The following ZDHHC5 variants were observed in gnomAD, a reference collection of about 807,000 sequenced individuals.
The protein encoded by ZDHHC5 is palmitoyltransferase ZDHHC5.
Under a neutral mutation model 70.0 loss-of-function variants are expected in ZDHHC5, and 22 were observed. That is an observed-to-expected ratio of 0.31 (90% confidence interval 0.22 to 0.45). The LOEUF (loss-of-function observed/expected upper bound fraction) is 0.45. Ranked by LOEUF, ZDHHC5 falls within the 20% of genes least tolerant of loss-of-function variation. The probability of loss-of-function intolerance (pLI) is 1.00; values close to 1 mark genes in which losing one functional copy is unlikely to be tolerated. For synonymous variants in ZDHHC5, 313 were observed against 347.8 expected, an observed-to-expected ratio of 0.90 and a Z score of 1.11; for missense variants, 746 against 926.9, an observed-to-expected ratio of 0.80 and a Z score of 2.53.
intron 3 of ZDHHC5, among the ~76,000 whole-genome samples, chr11:57,684,045 C>T (rs543249981): frequency 2.5e-3 from 357 of 140,314 alleles, no homozygotes; most frequent in Admixed American, 5.4e-3. Context: ...AATCACGGCT[C>T]ACTGCAGCCT....
intron 2 of ZDHHC5, among the ~76,000 whole-genome samples, chr11:57,680,677 G>GT (rs1399198881): frequency 5.3e-5 from 8 of 152,186 alleles, no homozygotes; most frequent in Non-Finnish European, 1.2e-4. Context: ...TGACAACTTA[G>GT]TACTAGGGAG....
At chr11:57,690,226 T>C (rs1356553830) in intron 5 of ZDHHC5, 23 bp downstream of exon 5, 3 of 1,613,032 alleles carry the variant, frequency 1.9e-6, no homozygotes, top group East Asian at 2.2e-5. Context: ...GCCTTTTAGA[T>C]TGTGGGATTG....
intron 3 of ZDHHC5, among the ~76,000 whole-genome samples, chr11:57,686,102 C>T (rs1393301244): frequency 1.3e-5 from 2 of 152,024 alleles, no homozygotes; most frequent in Admixed American, 6.6e-5. Context: ...GTAGAAGGAT[C>T]AGACATTTCA....
At chr11:57,699,507 A>C (rs1590874433) in intron 11 of ZDHHC5, 89 bp downstream of exon 11, 7 of 1,499,772 alleles carry the variant, frequency 4.7e-6, no homozygotes, top group Non-Finnish European at 6.2e-6. Flanking sequence ...TGTACATCCT[A>C]ATGTAGGTGG....
chr11:57,668,258 C>T (rs987002413), intron 1 of ZDHHC5, 71 bp downstream of exon 1: 23 of 342,486 alleles, frequency 6.7e-5, no homozygotes, highest in Middle Eastern at 1.6e-3. Context: ...GGGAGGGTGA[C>T]CTCTAGGGAA....
chr11:57,699,367 C>T lies in ZDHHC5; in HGVS notation c.1931C>T (p.Pro644Leu), dbSNP rs1226956353. Reference sequence around the variant, plus strand: ...TCTTACAGCAGCCAAAAAGCCCAACCTGGTGTCTCTGAGACAGAAGAAGTG... The same window carrying T: ...TCTTACAGCAGCCAAAAAGCCCAACTTGGTGTCTCTGAGACAGAAGAAGTG... ...SMSYSSQKAQ[P>L]GVSETEEVAL... Residue 644 changes from proline (P) to leucine (L), a missense_variant, in exon 11 of 12, where the codon CCT (proline) becomes CTT (leucine). Coordinates refer to ENST00000287169, the MANE Select transcript of ZDHHC5 (RefSeq NM_015457.3). 3.1e-6 allele frequency: 5 copies of T among 1,606,452 alleles called. No individual in the cohort carries two copies. The African/African-American group carries it at 5.3e-5, about 17-fold the overall frequency.
chr11:57,690,460 A>G, intron 6 of ZDHHC5, 23 bp downstream of exon 6: 1 of 1,612,290 alleles, frequency 6.2e-7, no homozygotes, highest in East Asian at 2.2e-5. Flanking sequence ...GTGACGAGAG[A>G]CCCCTGAAGA....
intron 6 of ZDHHC5, among the ~76,000 whole-genome samples, chr11:57,691,743 A>T (rs1167494379): frequency 6.6e-6 from 1 of 152,122 alleles, no homozygotes; most frequent in Non-Finnish European, 1.5e-5. Context: ...GTGTAGCAAG[A>T]CATATGTATA....
intron 8 of ZDHHC5, among the ~76,000 whole-genome samples, chr11:57,694,365 T>C (rs757610305): frequency 6.6e-6 from 1 of 151,600 alleles, no homozygotes; most frequent in African/African-American, 2.4e-5. Context: ...TTTTCTACAT[T>C]AGATTTTTTT....
At chr11:57,669,413 C>T (rs1590852686) in intron 1 of ZDHHC5, among the ~76,000 whole-genome samples, 1 of 152,210 alleles carries the variant, frequency 6.6e-6, no homozygotes, top group Non-Finnish European at 1.5e-5. Context: ...ATACATATTT[C>T]CATTTCATAG....
At chr11:57,690,479 T>C in intron 6 of ZDHHC5, 42 bp downstream of exon 6, 1 of 1,599,158 alleles carries the variant, frequency 6.3e-7, no homozygotes. Flanking sequence ...GAGCAGGTCA[T>C]GTCTCTTTAG....
At chr11:57,680,384 A>G (rs928007366) in intron 2 of ZDHHC5, among the ~76,000 whole-genome samples, 1 of 152,238 alleles carries the variant, frequency 6.6e-6, no homozygotes, top group Admixed American at 6.5e-5. Flanking sequence ...CTCAAAAAAC[A>G]AAACTGAAGA....
intron 3 of ZDHHC5, among the ~76,000 whole-genome samples, chr11:57,685,475 C>T (rs560665852): frequency 1.2e-4 from 18 of 151,590 alleles, no homozygotes; most frequent in African/African-American, 3.9e-4. Context: ...GGCGAAACCC[C>T]GTCTCTACTA....
chr11:57,689,431 G>C (rs932657667), intron 4 of ZDHHC5, among the ~76,000 whole-genome samples: 78 of 151,970 alleles, frequency 5.1e-4, no homozygotes, highest in African/African-American at 1.9e-3. Context: ...AGGCTGGAGT[G>C]CAATGGCGCA....
In ZDHHC5 at chr11:57,699,115, G is replaced by T. The variant is rs772341043; in HGVS notation, c.1679G>T (p.Arg560Leu). ...CGCCAGTCACCCCCACTCCCGGGCC[G>T]TGAGGAAGAACCAGGCTTGGGGGAC... ...LLRQSPPLPG[R>L]EEEPGLGDSG... The change falls in exon 11 of 12, where the codon CGT becomes CTT. Residue 560 changes from arginine (R) to leucine (L), a missense_variant. Arg to Leu is a moderately radical substitution (Grantham distance 102). Transcript: ENST00000287169. 1.2e-6 allele frequency: 2 copies of T among 1,614,022 alleles called. No homozygotes were observed. The highest frequency in any genetic ancestry group is 8.5e-7 in the Non-Finnish European group (1 of 1,179,944).
intron 3 of ZDHHC5, among the ~76,000 whole-genome samples, chr11:57,687,608 A>G (rs1404778268): frequency 6.6e-6 from 1 of 152,132 alleles, no homozygotes; most frequent in Non-Finnish European, 1.5e-5. Context: ...TGAGAAGGCA[A>G]ATAATGTCTT....
chr11:57,675,144 G>C (rs1416333923), intron 2 of ZDHHC5, among the ~76,000 whole-genome samples: 1 of 152,134 alleles, frequency 6.6e-6, no homozygotes, highest in Non-Finnish European at 1.5e-5. Context: ...TAGCAATTTT[G>C]GTTCTGGGTC....
chr11:57,696,901 A>G (rs1326490367), intron 10 of ZDHHC5, 28 bp downstream of exon 10: 3 of 1,608,212 alleles, frequency 1.9e-6, no homozygotes, highest in East Asian at 4.5e-5. Context: ...AGGTGGGGTA[A>G]TAACATGCCA....
At position 57,693,113 on chromosome 11, in the gene ZDHHC5, C is replaced by T. The variant is rs553669522; in HGVS notation, c.752+411C>T. ...CTTGAGGTCAGAAGTTCAAGTCCAGCCTGGCCAATATGGTGAAACCCCTTC... is the reference window on the plus strand; with the variant it reads ...CTTGAGGTCAGAAGTTCAAGTCCAGTCTGGCCAATATGGTGAAACCCCTTC... On this transcript the variant is annotated intron_variant, in intron 7 of 11. Coordinates refer to ENST00000287169, the MANE Select transcript of ZDHHC5 (RefSeq NM_015457.3). 6.6e-5 allele frequency among the ~76,000 whole-genome samples: 10 copies of T among 152,166 alleles called. No homozygotes were observed. The South Asian group carries it at 2.1e-3, about 32-fold the overall frequency.
Sources: allele counts gnomAD v4.1 joint callset (sites outside exome capture counted in the v4.1 genomes callset), GRCh38; gene constraint gnomAD v4.1.1; transcripts MANE v1.5; gene names NCBI Gene and HGNC (gene_info 2026-07-23, HGNC 2026-07-21).